ZC3H12B: variants seen among roughly 807,000 people sequenced by gnomAD.
The protein encoded by ZC3H12B is probable ribonuclease ZC3H12B.
Under a neutral mutation model 43.9 loss-of-function variants are expected in ZC3H12B, and 7 were observed. That is an observed-to-expected ratio of 0.16 (90% CI 0.09 to 0.30). The LOEUF is 0.30. Ranked by LOEUF, ZC3H12B falls within the 10% of genes least tolerant of loss-of-function variation. ZC3H12B has a pLI of 1.00. For missense variants in ZC3H12B, 475 were observed against 670.2 expected (o/e 0.71, Z 3.22); for synonymous variants, 222 against 241.7 (o/e 0.92, Z 0.76).
At chrX:65,157,857 G>A in the ZC3H12B span, among the ~76,000 whole-genome samples, 3 of 104,744 alleles carry the variant, frequency 2.9e-5, no homozygotes, top group African/African-American at 1.0e-4. Context: ...GTGCCATGCT[G>A]GTGTGCTGCA....
chrX:65,312,068 A>G, the ZC3H12B span, among the ~76,000 whole-genome samples: 2 of 111,548 alleles, frequency 1.8e-5, no homozygotes, highest in African/African-American at 6.5e-5. Flanking sequence ...AGGTGCAGCA[A>G]ACCAACATGG....
intron 3 of ZC3H12B, chrX:65,470,105 C>T (rs2067888552): frequency 8.5e-6 from 1 of 118,173 alleles, no homozygotes; most frequent in South Asian, 2.8e-4. Context: ...GCGTGTGCAG[C>T]GCCAAGTATG....
intron 3 of ZC3H12B, among the ~76,000 whole-genome samples, chrX:65,438,971 A>T (rs2067265202): frequency 8.9e-6 from 1 of 112,870 alleles, no homozygotes; most frequent in Non-Finnish European, 1.9e-5. Flanking sequence ...GCAAAGAGAT[A>T]AAAGCAAGGG....
the ZC3H12B span, among the ~76,000 whole-genome samples, chrX:65,114,305 A>G: frequency 9.2e-6 from 1 of 109,191 alleles, no homozygotes; most frequent in African/African-American, 3.3e-5. Flanking sequence ...CATTCTGGAA[A>G]AGATTATAAA....
the ZC3H12B span, among the ~76,000 whole-genome samples, chrX:65,109,386 A>G: frequency 2.1e-3 from 239 of 111,602 alleles, 1 homozygote; most frequent in Middle Eastern, 0.014. Flanking sequence ...GGCAACCACT[A>G]ATCTACTTTC....
At chrX:65,301,293 A>G in the ZC3H12B span, among the ~76,000 whole-genome samples, 1 of 111,852 alleles carries the variant, frequency 8.9e-6, no homozygotes, top group African/African-American at 3.2e-5. Context: ...GTAAGGAACA[A>G]ACAGTAGATC....
At chrX:65,494,880 T>TA (rs2068256796) in intron 1 of ZC3H12B, among the ~76,000 whole-genome samples, 1 of 111,940 alleles carries the variant, frequency 8.9e-6, no homozygotes, top group Non-Finnish European at 1.9e-5. Context: ...TATTTATTTC[T>TA]GGACTTAGAC....
chrX:65,359,002 C>T, the ZC3H12B span, among the ~76,000 whole-genome samples: 34 of 111,424 alleles, frequency 3.1e-4, 1 homozygote, highest in East Asian at 9.3e-3. Context: ...GCTCATTTTC[C>T]ATTTTGAAAA....
chrX:65,503,698 C>G (rs1356374295), exon 5 of ZC3H12B: 1 of 110,684 alleles, frequency 9.0e-6, no homozygotes, highest in African/African-American at 3.4e-5. Flanking sequence ...CTCACTGCAA[C>G]CTCCACCTCC....
the ZC3H12B span, among the ~76,000 whole-genome samples, chrX:65,130,294 C>T: frequency 1.8e-5 from 2 of 110,961 alleles, no homozygotes; most frequent in African/African-American, 3.3e-5. Context: ...AAAGTGGGCC[C>T]GTTATTGGAC....
the ZC3H12B span, among the ~76,000 whole-genome samples, chrX:65,213,207 A>G: frequency 2.7e-5 from 3 of 110,217 alleles, no homozygotes; most frequent in Non-Finnish European, 3.8e-5. Flanking sequence ...AAAAAAATCT[A>G]TCAGTGTGCC....
At chrX:65,460,303 A>G (rs1255594443) in intron 3 of ZC3H12B, among the ~76,000 whole-genome samples, 2 of 111,937 alleles carry the variant, frequency 1.8e-5, no homozygotes, top group Non-Finnish European at 1.9e-5. Flanking sequence ...TTATAGATTC[A>G]ATGCCATCCC....
At chrX:65,364,707 C>T (rs909676393), upstream of ZC3H12B, among the ~76,000 whole-genome samples, 16 of 111,392 alleles carry the variant, frequency 1.4e-4, no homozygotes, top group African/African-American at 3.3e-4. Context: ...GCCACTAGCC[C>T]GCCTCTTAGA....
At chrX:65,088,864 C>T in the ZC3H12B span, among the ~76,000 whole-genome samples, 1 of 111,435 alleles carries the variant, frequency 9.0e-6, no homozygotes, top group Non-Finnish European at 1.9e-5. Context: ...TTGAAGTTTA[C>T]TATTGTATGT....
the ZC3H12B span, among the ~76,000 whole-genome samples, chrX:65,196,405 C>T: frequency 2.7e-5 from 3 of 110,881 alleles, no homozygotes; most frequent in African/African-American, 6.6e-5. Flanking sequence ...TACCAAATTC[C>T]GGGGGGGATT....
the ZC3H12B span, among the ~76,000 whole-genome samples, chrX:65,252,909 C>T: frequency 9.0e-6 from 1 of 111,628 alleles, no homozygotes; most frequent in East Asian, 2.8e-4. Context: ...TTCCATTAGA[C>T]CTTATTTGCT....
chrX:65,073,711 A>G, the ZC3H12B span, among the ~76,000 whole-genome samples: 2 of 111,811 alleles, frequency 1.8e-5, no homozygotes, highest in Non-Finnish European at 3.8e-5. Context: ...TCCCCTGCCA[A>G]CTCAAGTGTC....
upstream of ZC3H12B, among the ~76,000 whole-genome samples, chrX:65,361,661 C>T (rs1192842056): frequency 1.8e-5 from 2 of 110,365 alleles, no homozygotes; most frequent in Admixed American, 9.7e-5. Flanking sequence ...GGCAACAACC[C>T]TTAGACACTT....
At chrX:65,273,803 C>T in the ZC3H12B span, among the ~76,000 whole-genome samples, 3 of 111,186 alleles carry the variant, frequency 2.7e-5, no homozygotes, top group Non-Finnish European at 5.6e-5. Context: ...ATTCAAAATA[C>T]TGAAAGGAAA....
Sources: allele counts gnomAD v4.1 joint callset (sites outside exome capture counted in the v4.1 genomes callset), GRCh38; gene constraint gnomAD v4.1.1; transcripts MANE v1.5; gene names NCBI Gene and HGNC (gene_info 2026-07-23, HGNC 2026-07-21).